Variants in TCERG1L observed in about 807,000 individuals in gnomAD.
TCERG1L encodes the protein transcription elongation regulator 1 like.
Under a neutral mutation model 56.3 loss-of-function variants are expected in TCERG1L, and 37 were observed. The observed-to-expected ratio is 0.66, with a 90% confidence interval of 0.51 to 0.87. The LOEUF is 0.87. Among genes scored for constraint, TCERG1L ranks in the 40% least tolerant of loss-of-function variants. The probability of loss-of-function intolerance (pLI) is 0.00; values close to 1 mark genes in which losing one functional copy is unlikely to be tolerated. For synonymous variants in TCERG1L, 324 were observed against 326.3 expected, an observed-to-expected ratio of 0.99 and a Z score of 0.08; for missense variants, 799 against 774.2, an observed-to-expected ratio of 1.03 and a Z score of -0.38.
chr10:131,221,038 C>T (rs1284415279), intron 4 of TCERG1L, among the ~76,000 whole-genome samples: 3 of 152,168 alleles, frequency 2.0e-5, no homozygotes, highest in Admixed American at 6.5e-5. Context: ...CGGCTGAGTA[C>T]CTGTGGTGTG....
chr10:131,114,851 G>A (rs1311804716), intron 9 of TCERG1L, among the ~76,000 whole-genome samples: 2 of 152,208 alleles, frequency 1.3e-5, no homozygotes, highest in African/African-American at 4.8e-5. Flanking sequence ...TGTTCACGAT[G>A]CCATCATGTT....
At chr10:131,228,030 C>T (rs574915352) in intron 4 of TCERG1L, among the ~76,000 whole-genome samples, 8 of 151,992 alleles carry the variant, frequency 5.3e-5, no homozygotes, top group South Asian at 2.1e-4. Flanking sequence ...CCCAGCCCCC[C>T]TCTCCGTGCT....
At chr10:131,179,291 C>G (rs1238079868) in intron 4 of TCERG1L, among the ~76,000 whole-genome samples, 1 of 152,242 alleles carries the variant, frequency 6.6e-6, no homozygotes, top group Non-Finnish European at 1.5e-5. Context: ...AGGCCACGCC[C>G]AAGTCAGGAC....
At chr10:131,257,030 AAAGAAAGAAAGAAAG>A (rs1846178814) in intron 4 of TCERG1L, among the ~76,000 whole-genome samples, 1 of 147,976 alleles carries the variant, frequency 6.8e-6, no homozygotes, top group Non-Finnish European at 1.5e-5. Context: ...AGAAAGAAAG[AAAGAAAGAAAGAAAG>A]AAAGAAAGAA....
At chr10:131,149,404 C>G (rs1845839423) in intron 6 of TCERG1L, among the ~76,000 whole-genome samples, 1 of 152,182 alleles carries the variant, frequency 6.6e-6, no homozygotes, top group African/African-American at 2.4e-5. Context: ...ACCTCTGGGG[C>G]CTGCAGGGAG....
At chr10:131,250,525 G>A (rs1036748903) in intron 4 of TCERG1L, among the ~76,000 whole-genome samples, 14 of 136,594 alleles carry the variant, frequency 1.0e-4, no homozygotes, top group African/African-American at 3.2e-4. Context: ...CTCATTCCAC[G>A]AACGCAGGGA....
chr10:131,229,278 A>G (rs1845825393), intron 4 of TCERG1L, among the ~76,000 whole-genome samples: 1 of 152,238 alleles, frequency 6.6e-6, no homozygotes, highest in Non-Finnish European at 1.5e-5. Context: ...TCTCCTCCGC[A>G]TCGAACTGTC....
intron 4 of TCERG1L, among the ~76,000 whole-genome samples, chr10:131,179,401 A>G (rs1177615695): frequency 6.6e-6 from 1 of 152,210 alleles, no homozygotes; most frequent in Non-Finnish European, 1.5e-5. Context: ...AATGCCCTAA[A>G]TAGAAGTAGG....
intron 4 of TCERG1L, among the ~76,000 whole-genome samples, chr10:131,172,590 GCTCCAC>G (rs1846105382): frequency 6.6e-6 from 1 of 152,186 alleles, no homozygotes. Flanking sequence ...TATCACGCGT[GCTCCAC>G]GCGCGCTGGC....
At chr10:131,217,696 A>G (rs955633985) in intron 4 of TCERG1L, among the ~76,000 whole-genome samples, 28 of 138,974 alleles carry the variant, frequency 2.0e-4, no homozygotes, top group African/African-American at 7.5e-4. Context: ...CTGACCCTAC[A>G]CAGTAGCTGC....
In TCERG1L at chr10:131,272,149, C is replaced by T. The variant is rs529523194; in HGVS notation, c.671-11705G>A. Among the ~76,000 whole-genome samples the T allele has an allele frequency of 1.2e-4, 18 of 152,300 alleles. No homozygotes were observed. The East Asian group carries it at 2.7e-3, about 23-fold the overall frequency. ...CGTCAACAGCACAGGTCCTTCCCTC[C>T]GTGTCCTCTGAGAACACCGTGTCTT... On this transcript the variant is annotated intron_variant, in intron 3 of 11. Transcript: ENST00000368642.
chr10:131,131,112 C>T (rs1757438787), intron 8 of TCERG1L, among the ~76,000 whole-genome samples: 1 of 152,146 alleles, frequency 6.6e-6, no homozygotes, highest in Admixed American at 6.5e-5. Flanking sequence ...AATATATTTC[C>T]ACTTCAAAAC....
chr10:131,293,671 G>C (rs1290451595), intron 3 of TCERG1L, among the ~76,000 whole-genome samples: 1 of 152,112 alleles, frequency 6.6e-6, no homozygotes, highest in Non-Finnish European at 1.5e-5. Context: ...GCCTGTAAGA[G>C]AACGTGCTCC....
intron 5 of TCERG1L, among the ~76,000 whole-genome samples, chr10:131,163,589 C>T (rs985728090): frequency 6.6e-6 from 1 of 152,140 alleles, no homozygotes; most frequent in African/African-American, 2.4e-5. Flanking sequence ...AGTCACTGTG[C>T]CATGAAAACA....
intron 11 of TCERG1L, among the ~76,000 whole-genome samples, chr10:131,097,394 T>C (rs1845260230): frequency 6.6e-6 from 1 of 152,148 alleles, no homozygotes; most frequent in African/African-American, 2.4e-5. Flanking sequence ...GTCGCCCAGG[T>C]TGGAGTGCAG....
intron 8 of TCERG1L, among the ~76,000 whole-genome samples, chr10:131,128,343 A>T (rs1845583056): frequency 6.6e-6 from 1 of 152,216 alleles, no homozygotes; most frequent in Non-Finnish European, 1.5e-5. Context: ...AGGTGACTCC[A>T]AGCCACGAAA....
chr10:131,240,761 T>C (rs1321396269), intron 4 of TCERG1L, among the ~76,000 whole-genome samples: 1 of 151,560 alleles, frequency 6.6e-6, no homozygotes, highest in Non-Finnish European at 1.5e-5. Context: ...CCAGGAAAAG[T>C]GAGAAGGGGA....
intron 4 of TCERG1L, among the ~76,000 whole-genome samples, chr10:131,172,114 T>G (rs1243152347): frequency 1.3e-5 from 2 of 152,212 alleles, no homozygotes; most frequent in Admixed American, 1.3e-4. Flanking sequence ...AGTTCTGGGA[T>G]TCCAAGTGTC....
chr10:131,256,992 G>GGAAGGAAGAAA (rs1846173015), intron 4 of TCERG1L, among the ~76,000 whole-genome samples: 2 of 59,170 alleles, frequency 3.4e-5, no homozygotes, highest in African/African-American at 5.5e-5. Flanking sequence ...AAGGAAGGAA[G>GGAAGGAAGAAA]GAAAGAAAGA....
Sources: gnomAD v4.1 joint callset for allele counts (sites outside exome capture counted in the v4.1 genomes callset) on GRCh38, gnomAD v4.1.1 for gene constraint, MANE v1.5 for transcripts, NCBI Gene and HGNC (gene_info 2026-07-23, HGNC 2026-07-21) for gene names.